The following MATN4 variants were observed in gnomAD, a reference collection of about 807,000 sequenced individuals.
The protein encoded by MATN4 is matrilin 4.
Under a neutral mutation model 54.6 loss-of-function variants are expected in MATN4, and 40 were observed. The ratio of observed to expected loss-of-function variants is 0.73; its 90% confidence interval spans 0.57 to 0.95. The LOEUF is 0.95. Ranked by LOEUF, MATN4 falls within the 40% of genes least tolerant of loss-of-function variation. The probability of loss-of-function intolerance (pLI) is 0.00; values close to 1 mark genes in which losing one functional copy is unlikely to be tolerated. For missense variants in MATN4, 810 were observed against 819.1 expected, an observed-to-expected ratio of 0.99 and a Z score of 0.13; for synonymous variants, 351 against 345.3, an observed-to-expected ratio of 1.02 and a Z score of -0.18.
intron 6 of MATN4, among the ~76,000 whole-genome samples, chr20:45,299,674 T>G (rs1345082542): frequency 6.6e-6 from 1 of 151,626 alleles, no homozygotes; most frequent in Non-Finnish European, 1.5e-5. Context: ...GGTTAGGAGT[T>G]CGAGACCAGC....
intron 1 of MATN4, 139 bp from the exon 2 acceptor site, chr20:45,305,755 G>A (rs1986579310): frequency 1.4e-5 from 4 of 283,184 alleles, no homozygotes; most frequent in South Asian, 7.4e-5. Flanking sequence ...AAATGTTTCA[G>A]AATTAAAAAA....
At position 45,304,414 on chromosome 20, in the gene MATN4, G is replaced by A. The variant is rs755166051; in HGVS notation, c.457C>T (p.Arg153Cys). ...VIVTDGRPQD[R>C]VAEVAAQARA... Reference sequence around the variant, plus strand: ...GCCTGTGCCGCCACCTCGGCCACGCGGTCCTGGGGCCGCCCGTCTGTCACG... The same window carrying A: ...GCCTGTGCCGCCACCTCGGCCACGCAGTCCTGGGGCCGCCCGTCTGTCACG... Residue 153 changes from arginine to cysteine, a missense_variant, in exon 3 of 10, where the codon CGC becomes TGC. Transcript: ENST00000372756. 11 of 1,508,418 alleles carry A rather than the reference G, an allele frequency of 7.3e-6. No homozygotes were observed. The African/African-American group carries it at 1.4e-4, about 19-fold the overall frequency. The allele number at this position is 1,508,418 out of a possible 1,614,324, so 93.4% of individuals were successfully genotyped here. A position where few individuals can be genotyped will look rare whatever the true frequency, so the allele number is the denominator to read the frequency against.
At chr20:45,303,831 G>T (rs1449145473) in intron 3 of MATN4, among the ~76,000 whole-genome samples, 1 of 152,224 alleles carries the variant, frequency 6.6e-6, no homozygotes, top group African/African-American at 2.4e-5. Flanking sequence ...ACTCAAAACA[G>T]ATCAGAACAG....
intron 8 of MATN4, 33 bp from the exon 9 acceptor site, chr20:45,294,048 A>C (rs1388651302): frequency 6.5e-7 from 1 of 1,543,248 alleles, no homozygotes; most frequent in Non-Finnish European, 8.8e-7. Flanking sequence ...CAGGGGGATG[A>C]GAAATTGCCC....
intron 2 of MATN4, 149 bp downstream of exon 2, chr20:45,305,361 G>A: frequency 1.8e-6 from 1 of 560,176 alleles, no homozygotes; most frequent in East Asian, 3.1e-5. Context: ...AGAAACTGAG[G>A]CCCAGAAAGG....
At chr20:45,299,877 CAAA>C (rs372123175) in intron 6 of MATN4, among the ~76,000 whole-genome samples, 1 of 4,056 alleles carries the variant, frequency 2.5e-4, no homozygotes, top group Non-Finnish European at 5.3e-4. Flanking sequence ...GACTTAGTCT[CAAA>C]AAAAAAAAAA....
chr20:45,305,802 A>ATTATTTTTTTTTTTTTTTTTTT (rs1050722306), intron 1 of MATN4, among the ~76,000 whole-genome samples, 186 bp from the exon 2 acceptor site: 4 of 12,172 alleles, frequency 3.3e-4, no homozygotes, highest in South Asian at 3.1e-3. Flanking sequence ...AACACAAGAG[A>ATTATTTTTTTTTTTTTTTTTTT]TTCTTTTTTT....
Position 45,298,587 on chromosome 20 carries a change from C to A in MATN4, c.1013-4G>T, listed in dbSNP as rs374725100. ...TCCACGTGGCCTTCCCGGCACCCTG[C>A]ACAGCCAGAAAAGCTTGAATTGAGG... On this transcript the variant is annotated splice_region_variant and splice_polypyrimidine_tract_variant and intron_variant, in intron 6 of 9. Coordinates refer to ENST00000372756, the MANE Select transcript of MATN4 (RefSeq NM_001393530.1). The surrounding 1 kb of genome is among the most constrained non-coding windows in gnomAD (Gnocchi z 4.6). 1 of 1,531,020 alleles carries A rather than the reference C, an allele frequency of 6.5e-7. No homozygotes were observed. Among genetic ancestry groups the A allele is most frequent in the Non-Finnish European group, 8.8e-7 (1 of 1,136,726 alleles). The allele number at this position is 1,531,020 out of a possible 1,614,324, so 94.8% of individuals were successfully genotyped here. A position where few individuals can be genotyped will look rare whatever the true frequency, so the allele number is the denominator to read the frequency against.
chr20:45,301,900 A>G (rs1986257864), intron 3 of MATN4, among the ~76,000 whole-genome samples: 1 of 151,832 alleles, frequency 6.6e-6, no homozygotes, highest in Non-Finnish European at 1.5e-5. Flanking sequence ...CAGTATGAAG[A>G]TGAGTAACTC....
chr20:45,302,677 A>G (rs1265539969), intron 3 of MATN4, among the ~76,000 whole-genome samples: 1 of 152,228 alleles, frequency 6.6e-6, no homozygotes, highest in Non-Finnish European at 1.5e-5. Context: ...TGAGCAGCAC[A>G]CAAAGAGCTG....
At chr20:45,302,398 T>G (rs1395230352) in intron 3 of MATN4, among the ~76,000 whole-genome samples, 1 of 152,218 alleles carries the variant, frequency 6.6e-6, no homozygotes, top group East Asian at 1.9e-4. Context: ...TGTGTAATGC[T>G]CCTAGCACAA....
chr20:45,304,408 C>T lies in MATN4; in HGVS notation c.463G>A (p.Ala155Thr). 6.6e-7 allele frequency: 1 copy of T among 1,506,866 alleles called. No homozygotes were observed. Among genetic ancestry groups the T allele is most frequent in the Non-Finnish European group, 8.9e-7 (1 of 1,127,838 alleles). The allele number at this position is 1,506,866 out of a possible 1,614,324, so 93.3% of individuals were successfully genotyped here. The change falls in exon 3 of 10, where the codon GCC (alanine) becomes ACC (threonine). Residue 155 changes from alanine (A) to threonine (T), a missense_variant. By Grantham distance (58) the Ala-to-Thr change is moderately conservative. Coordinates refer to ENST00000372756, the MANE Select transcript of MATN4 (RefSeq NM_001393530.1). Reference protein sequence around the residue: ...VTDGRPQDRVAEVAAQARARG... With the variant: ...VTDGRPQDRVTEVAAQARARG... Reference sequence around the variant, plus strand: ...GCGCGCGCCTGTGCCGCCACCTCGGCCACGCGGTCCTGGGGCCGCCCGTCT... The same window carrying T: ...GCGCGCGCCTGTGCCGCCACCTCGGTCACGCGGTCCTGGGGCCGCCCGTCT...
In MATN4 at chr20:45,300,966, C is replaced by A. The variant is rs866066506; in HGVS notation, c.933G>T (p.Gln311His). 1.1e-5 allele frequency: 17 copies of A among 1,614,186 alleles called. No homozygotes were observed. In the Middle Eastern group the frequency reaches 1.5e-3, roughly 141 times the overall value. ...CNGVDHGCEF[Q>H]CVSEGLSYRC... ...GGTAGGAGAGGCCCTCGCTCACACA[C>A]TGGAACTCACAGCCATGGTCCACGC... The change falls in exon 6 of 10, where the codon CAG becomes CAT. Residue 311 changes from glutamine to histidine, a missense_variant. Gln to His is a conservative substitution (Grantham distance 24). Coordinates refer to ENST00000372756, the MANE Select transcript of MATN4 (RefSeq NM_001393530.1).
chr20:45,305,135 T>A (rs1013602857), intron 2 of MATN4, among the ~76,000 whole-genome samples: 1 of 152,184 alleles, frequency 6.6e-6, no homozygotes, highest in African/African-American at 2.4e-5. Flanking sequence ...AGAGCCCCTA[T>A]CACTCCTAAA....
Position 45,293,662 on chromosome 20 carries a change from A to T in MATN4, c.*105T>A, listed in dbSNP as rs897520088. On this transcript the variant is annotated 3_prime_UTR_variant, in exon 10 of 10. Coordinates refer to ENST00000372756, the MANE Select transcript of MATN4 (RefSeq NM_001393530.1). ...CCAGCGCCTCCGCCCCGACAGCCCA[A>T]GCCGGACGGGCCCAGGTTCTGCCTG... is the stretch of plus-strand genomic sequence containing the variant. 1 of 1,122,480 alleles carries T rather than the reference A, an allele frequency of 8.9e-7. No individual in the cohort carries two copies. 69.5% of individuals were successfully genotyped at this position (1,122,480 alleles called of 1,614,324 possible).
chr20:45,302,492 A>G (rs1457090234), intron 3 of MATN4, among the ~76,000 whole-genome samples: 1 of 152,228 alleles, frequency 6.6e-6, no homozygotes, highest in Non-Finnish European at 1.5e-5. Context: ...GAAGACAAAA[A>G]TGAAGAAGCA....
At chr20:45,308,016 G>T in intron 1 of MATN4, 159 bp downstream of exon 1, 1 of 627,054 alleles carries the variant, frequency 1.6e-6, no homozygotes. Flanking sequence ...CTTTGAGGGT[G>T]GGGGCTCGAT....
chr20:45,308,101 A>G, intron 1 of MATN4, 74 bp downstream of exon 1: 1 of 1,454,516 alleles, frequency 6.9e-7, no homozygotes, highest in South Asian at 1.2e-5. Context: ...TCTCTGCTAA[A>G]ATACACTCGC....
chr20:45,305,460 C>A (rs367913940), intron 2 of MATN4, 50 bp downstream of exon 2: 5 of 1,430,874 alleles, frequency 3.5e-6, no homozygotes, highest in Non-Finnish European at 4.8e-6. Flanking sequence ...AGAGGGAGGA[C>A]CTGCTTCCGC....
Sources: gnomAD v4.1 joint callset for allele counts (sites outside exome capture counted in the v4.1 genomes callset) on GRCh38, gnomAD v4.1.1 for gene constraint, Gnocchi (gnomAD v3.1) non-coding constraint, MANE v1.5 for transcripts, NCBI Gene and HGNC (gene_info 2026-07-23, HGNC 2026-07-21) for gene names.